Variants in TMPRSS7 observed in about 807,000 individuals in gnomAD.
The protein encoded by TMPRSS7 is transmembrane serine protease 7.
Under a neutral mutation model 95.6 loss-of-function variants are expected in TMPRSS7, and 81 were observed. That is an observed-to-expected ratio of 0.85 (90% CI 0.71 to 1.02). The LOEUF is 1.02. Among genes scored for constraint, TMPRSS7 ranks in the 50% least tolerant of loss-of-function variants. TMPRSS7 has a pLI of 0.00. For synonymous variants in TMPRSS7, 364 were observed against 337.8 expected, an observed-to-expected ratio of 1.08 and a Z score of -0.85; for missense variants, 945 against 955.2, an observed-to-expected ratio of 0.99 and a Z score of 0.14.
At chr3:112,075,484 T>C in exon 15 of TMPRSS7, 2 of 1,486,418 alleles carry the variant, frequency 1.3e-6, no homozygotes, top group Middle Eastern at 1.9e-4. Flanking sequence ...ACTGTTTTCA[T>C]GGAAACAGGT....
intron 17 of TMPRSS7, among the ~76,000 whole-genome samples, chr3:112,079,611 G>A (rs1228484102): frequency 6.6e-6 from 1 of 152,072 alleles, no homozygotes. Flanking sequence ...TTCTTCCAGT[G>A]TGGCTCAGGG....
In TMPRSS7 at chr3:112,034,869, T is replaced by C. The variant is rs114550351; in HGVS notation, c.24T>C (p.Val8=). ...TAATGGACAAAGAAAACAGCGATGT[T>C]TCAGCCGCACCTGCTGACCTGAAAG... Residue 8 remains valine (V), a synonymous_variant, in exon 1 of 18, where the codon GTT becomes GTC. Coordinates refer to ENST00000452346, the Ensembl canonical transcript of TMPRSS7. The C allele has an allele frequency of 3.1e-3, 2,155 of 702,922 alleles. 32 individuals are homozygous for C. In the African/African-American group the frequency reaches 0.033, roughly 11 times the overall value. 43.5% of individuals were successfully genotyped at this position (702,922 alleles called of 1,614,324 possible). A position where few individuals can be genotyped will look rare whatever the true frequency, so the allele number is the denominator to read the frequency against.
intron 17 of TMPRSS7, among the ~76,000 whole-genome samples, chr3:112,080,409 T>C (rs544185863): frequency 6.6e-6 from 1 of 152,168 alleles, no homozygotes; most frequent in African/African-American, 2.4e-5. Context: ...TAAAGTTGCA[T>C]GGCCCAGAGA....
chr3:112,076,881 C>G lies in TMPRSS7; in HGVS notation c.1961C>G (p.Ser654Ter). Residue 654 changes from serine (S) to a stop codon, truncating the protein, a stop_gained, in exon 16 of 18, where the codon TCA (serine) becomes TGA (stop). Transcript: ENST00000452346. LOFTEE classifies it high-confidence loss of function. ...TTTCATTACTGTTCTATCAGGCTGT[C>G]AGATCCCACACCATGGACTGCACAC... The G allele has an allele frequency of 6.2e-7, 1 of 1,613,620 alleles. No individual in the cohort carries two copies. The highest frequency in any genetic ancestry group is 1.1e-5 in the South Asian group (1 of 90,904).
intron 9 of TMPRSS7, among the ~76,000 whole-genome samples, chr3:112,055,697 C>G (rs114090679): frequency 0.015 from 2,253 of 146,060 alleles, 51 homozygotes; most frequent in African/African-American, 0.053. Flanking sequence ...GTATAAACAA[C>G]AAAAAGCAGA....
chr3:112,050,239 G>A (rs1283256908), intron 8 of TMPRSS7, among the ~76,000 whole-genome samples: 1 of 152,132 alleles, frequency 6.6e-6, no homozygotes, highest in Non-Finnish European at 1.5e-5. Flanking sequence ...TGTAACATGT[G>A]CAGAAAGTAA....
intron 2 of TMPRSS7, among the ~76,000 whole-genome samples, chr3:112,039,350 G>A (rs529835533): frequency 6.6e-6 from 1 of 152,296 alleles, no homozygotes; most frequent in East Asian, 1.9e-4. Context: ...AGTGATAGGA[G>A]CATCTTTTGG....
intron 9 of TMPRSS7, among the ~76,000 whole-genome samples, chr3:112,054,758 T>TTTG (rs2073411119): frequency 1.7e-5 from 2 of 115,964 alleles, no homozygotes; most frequent in Non-Finnish European, 3.6e-5. Flanking sequence ...TTTTTTTTTT[T>TTTG]GAGACGGAGT....
chr3:112,056,129 A>C (rs1030535247), intron 9 of TMPRSS7, among the ~76,000 whole-genome samples: 22 of 152,308 alleles, frequency 1.4e-4, no homozygotes, highest in Non-Finnish European at 2.9e-5. Context: ...GAGATAGTGG[A>C]GGACAATAAA....
intron 9 of TMPRSS7, among the ~76,000 whole-genome samples, chr3:112,051,515 A>ATATCTATC (rs10546401): frequency 6.9e-5 from 10 of 145,532 alleles, no homozygotes; most frequent in East Asian, 4.1e-4. Flanking sequence ...TGTATACGAA[A>ATATCTATC]TATCTATCTA....
exon 18 of TMPRSS7, chr3:112,081,142 G>A: frequency 6.6e-7 from 1 of 1,519,112 alleles, no homozygotes; most frequent in Non-Finnish European, 8.9e-7. Flanking sequence ...TTAAAATGAT[G>A]CAGTAATTGG....
chr3:112,043,990 G>A (rs1486007643), intron 3 of TMPRSS7, among the ~76,000 whole-genome samples: 3 of 152,222 alleles, frequency 2.0e-5, no homozygotes, highest in Non-Finnish European at 4.4e-5. Context: ...GAATACAGAA[G>A]TTAAGTTTGA....
intron 9 of TMPRSS7, among the ~76,000 whole-genome samples, chr3:112,051,516 TATCTATC>T (rs1419375613): frequency 6.2e-3 from 7 of 1,136 alleles, no homozygotes; most frequent in African/African-American, 0.013. Context: ...GTATACGAAA[TATCTATC>T]TATCTATCTA....
chr3:112,053,768 A>T (rs1034940024), intron 9 of TMPRSS7, among the ~76,000 whole-genome samples: 9 of 152,206 alleles, frequency 5.9e-5, no homozygotes, highest in Admixed American at 5.2e-4. Flanking sequence ...ACTAGAAGGA[A>T]TCATGCCTCC....
intron 1 of TMPRSS7, among the ~76,000 whole-genome samples, chr3:112,037,772 C>T (rs941758594): frequency 5.3e-5 from 8 of 152,064 alleles, no homozygotes; most frequent in South Asian, 4.2e-4. Flanking sequence ...TCAGACCGGC[C>T]GACACTTAGG....
chr3:112,068,476 T>G (rs2073603505), intron 13 of TMPRSS7, among the ~76,000 whole-genome samples: 1 of 152,220 alleles, frequency 6.6e-6, no homozygotes, highest in African/African-American at 2.4e-5. Context: ...TTCTTCCATT[T>G]GTTTGTGTCC....
exon 14 of TMPRSS7, chr3:112,074,361 A>G (rs779671840): frequency 1.1e-5 from 18 of 1,613,996 alleles, no homozygotes; most frequent in Non-Finnish European, 1.4e-5. Context: ...ACAAAATGCA[A>G]AATGTGATGG....
Position 112,079,147 on chromosome 3 carries a change from A to C in TMPRSS7, c.2361+269A>C, listed in dbSNP as rs149629946. On this transcript the variant is annotated intron_variant, in intron 17 of 17. Transcript: ENST00000452346. ...GGTCAGCATTCATCATTCTGCCATA[A>C]TTTTCTTATAACCAATTTATTTCCT... Among the ~76,000 whole-genome samples, 202 of 152,254 alleles carry C rather than the reference A, an allele frequency of 1.3e-3. 1 individual carries two copies. The East Asian group carries it at 0.032, about 24-fold the overall frequency.
chr3:112,035,153 T>C (rs931171401), intron 1 of TMPRSS7, among the ~76,000 whole-genome samples: 1 of 152,246 alleles, frequency 6.6e-6, no homozygotes, highest in African/African-American at 2.4e-5. Context: ...ATTTAATCAG[T>C]GCTAACTGAG....
Sources: gnomAD v4.1 joint callset for allele counts (sites outside exome capture counted in the v4.1 genomes callset) on GRCh38, gnomAD v4.1.1 for gene constraint, MANE v1.5 for transcripts, NCBI Gene and HGNC (gene_info 2026-07-23, HGNC 2026-07-21) for gene names.